Variants in CA8 observed in about 807,000 individuals in gnomAD.
The protein encoded by CA8 is carbonic anhydrase 8 (inactive), also known as carbonic anhydrase-related protein.
A neutral mutation model predicts 41.4 loss-of-function variants in CA8; 22 were observed. That is an observed-to-expected ratio of 0.53 (90% CI 0.38 to 0.76). The LOEUF is 0.76. Among genes scored for constraint, CA8 ranks in the 30% least tolerant of loss-of-function variants. The probability of loss-of-function intolerance (pLI) is 0.00; values close to 1 mark genes in which losing one functional copy is unlikely to be tolerated. For synonymous variants in CA8, 121 were observed against 130.6 expected (o/e 0.93, Z 0.50); for missense variants, 270 against 352.8 (o/e 0.77, Z 1.88).
chr8:60,192,962 C>G (rs943766772), intron 8 of CA8, among the ~76,000 whole-genome samples: 3 of 151,598 alleles, frequency 2.0e-5, no homozygotes, highest in Admixed American at 6.6e-5. Context: ...CACACACACA[C>G]ACACACACAC....
At chr8:60,261,719 C>T (rs575569146) in intron 3 of CA8, among the ~76,000 whole-genome samples, 7 of 152,218 alleles carry the variant, frequency 4.6e-5, no homozygotes, top group South Asian at 4.2e-4. Flanking sequence ...AAAATTAAAA[C>T]TTGACACACT....
chr8:60,235,205 G>C lies in CA8; in HGVS notation c.418-2826C>G, dbSNP rs576512741. Among the ~76,000 whole-genome samples the C allele has an allele frequency of 2.7e-4, 41 of 152,222 alleles. No individual in the cohort carries two copies. In the South Asian group the frequency reaches 6.6e-3, roughly 25 times the overall value. On this transcript the variant is annotated intron_variant, in intron 3 of 8. Transcript: ENST00000317995. ...GGTGGAAGTCTGAGATCAAGGTGTG[G>C]GCAGGGCTGGTTCCTTTTTAGCCCT...
At chr8:60,247,131 T>G (rs1808273326) in intron 3 of CA8, among the ~76,000 whole-genome samples, 1 of 151,908 alleles carries the variant, frequency 6.6e-6, no homozygotes, top group South Asian at 2.1e-4. Flanking sequence ...GATCCGCCCA[T>G]CTCGGCCTCC....
chr8:60,206,872 C>G (rs572043233), intron 8 of CA8, among the ~76,000 whole-genome samples: 10 of 152,106 alleles, frequency 6.6e-5, no homozygotes, highest in African/African-American at 2.2e-4. Context: ...TATCTTCAGC[C>G]TCTCTCCATC....
At chr8:60,243,413 T>A (rs1375689693) in intron 3 of CA8, among the ~76,000 whole-genome samples, 3 of 148,148 alleles carry the variant, frequency 2.0e-5, no homozygotes, top group African/African-American at 5.1e-5. Flanking sequence ...TTAATATGCA[T>A]AGATGTTTCT....
chr8:60,269,487 T>C (rs1804000509), intron 2 of CA8, among the ~76,000 whole-genome samples: 1 of 152,240 alleles, frequency 6.6e-6, no homozygotes, highest in African/African-American at 2.4e-5. Context: ...CCATTTTCTT[T>C]AATGCTCTTT....
chr8:60,276,848 G>A (rs1432536073), intron 2 of CA8, among the ~76,000 whole-genome samples: 5 of 152,178 alleles, frequency 3.3e-5, no homozygotes, highest in Non-Finnish European at 5.9e-5. Flanking sequence ...TCCAGGTGCT[G>A]TGGCTCATAC....
chr8:60,217,153 G>A (rs1430391877), intron 7 of CA8, among the ~76,000 whole-genome samples: 2 of 152,106 alleles, frequency 1.3e-5, no homozygotes, highest in Non-Finnish European at 2.9e-5. Flanking sequence ...TGAAGTGCTT[G>A]GATTACAGGC....
chr8:60,237,433 T>C (rs1457110829), intron 3 of CA8, among the ~76,000 whole-genome samples: 2 of 152,224 alleles, frequency 1.3e-5, no homozygotes, highest in Non-Finnish European at 2.9e-5. Context: ...AGTATGTAAA[T>C]GCCACTTACC....
intron 3 of CA8, among the ~76,000 whole-genome samples, chr8:60,262,570 G>A (rs1388109957): frequency 2.6e-5 from 4 of 152,190 alleles, no homozygotes; most frequent in South Asian, 2.1e-4. Context: ...ATTCCAGCTG[G>A]TGCTGGGTGC....
At chr8:60,226,822 G>A (rs1415224509) in intron 5 of CA8, 51 bp downstream of exon 5, 2 of 1,071,940 alleles carry the variant, frequency 1.9e-6, no homozygotes, top group African/African-American at 1.6e-5. Flanking sequence ...GGTGGTCACA[G>A]GGAGCTCCTA....
In CA8 at chr8:60,232,347, A is replaced by G; in HGVS notation, c.450T>C (p.Phe150=). 1 of 1,614,082 alleles carries G rather than the reference A, an allele frequency of 6.2e-7. No homozygotes were observed. The highest frequency in any genetic ancestry group is 8.5e-7 in the Non-Finnish European group (1 of 1,179,920). ...TCCCCACAGCCTCATCAATGCTGCC[A>G]AACAGAGTGGAGTTCCAGTGGATCA... is the stretch of plus-strand genomic sequence containing the variant. ...LHLIHWNSTL[F]GSIDEAVGKP... Residue 150 remains phenylalanine (F), a synonymous_variant, in exon 4 of 9, where the codon TTT becomes TTC. Coordinates refer to ENST00000317995, the MANE Select transcript of CA8 (RefSeq NM_004056.6).
intron 2 of CA8, among the ~76,000 whole-genome samples, chr8:60,268,149 C>G (rs1803959234): frequency 6.6e-6 from 1 of 152,168 alleles, no homozygotes; most frequent in Non-Finnish European, 1.5e-5. Flanking sequence ...AACTCCACTT[C>G]TAAAACAAAG....
At chr8:60,251,877 T>C (rs1273548892) in intron 3 of CA8, among the ~76,000 whole-genome samples, 5 of 152,190 alleles carry the variant, frequency 3.3e-5, no homozygotes, top group Non-Finnish European at 5.9e-5. Flanking sequence ...AAAAGTCTAG[T>C]TGTCCCAAGG....
intron 7 of CA8, among the ~76,000 whole-genome samples, chr8:60,219,872 T>C (rs74654678): frequency 0.01 from 1,500 of 149,400 alleles, 31 homozygotes; most frequent in African/African-American, 0.036. Context: ...AACTGTTGTA[T>C]TCACAGATTA....
intron 2 of CA8, among the ~76,000 whole-genome samples, chr8:60,270,258 C>T (rs764450645): frequency 6.6e-6 from 1 of 152,180 alleles, no homozygotes; most frequent in East Asian, 1.9e-4. Context: ...AAGAAAGCTG[C>T]TATCATGCCC....
intron 8 of CA8, among the ~76,000 whole-genome samples, chr8:60,199,459 C>T (rs1255578042): frequency 6.6e-6 from 1 of 151,890 alleles, no homozygotes; most frequent in East Asian, 1.9e-4. Context: ...TTATGAGTTC[C>T]TAATAAAACT....
At chr8:60,242,997 G>A (rs529415893) in intron 3 of CA8, among the ~76,000 whole-genome samples, 159 of 152,226 alleles carry the variant, frequency 1.0e-3, no homozygotes, top group African/African-American at 3.5e-3. Context: ...CCAGATCACC[G>A]CCATAGAGCC....
At chr8:60,232,586 C>T (rs542662241) in intron 3 of CA8, 2 of 620,180 alleles carry the variant, frequency 3.2e-6, no homozygotes, top group East Asian at 5.7e-5. Context: ...CTTAGTGGAT[C>T]ACTGCCTCTT....
Sources: allele counts gnomAD v4.1 joint callset (sites outside exome capture counted in the v4.1 genomes callset), GRCh38; gene constraint gnomAD v4.1.1; transcripts MANE v1.5; gene names NCBI Gene and HGNC (gene_info 2026-07-23, HGNC 2026-07-21).